C5: variants seen among roughly 807,000 people sequenced by gnomAD.
C5 encodes C3 and PZP-like alpha-2-macroglobulin domain-containing protein 4.
In C5, 140 loss-of-function variants were observed where a neutral mutation model predicts 218.8. The observed-to-expected ratio is 0.64, with a 90% CI of 0.56 to 0.74. C5 has a LOEUF of 0.74. Ranked by LOEUF, C5 falls within the 30% of genes least tolerant of loss-of-function variation. The probability of loss-of-function intolerance (pLI) is 0.00; values close to 1 mark genes in which losing one functional copy is unlikely to be tolerated. For missense variants in C5, 1,700 were observed against 1,969.6 expected (o/e 0.86, Z 2.59); for synonymous variants, 614 against 682.3 (o/e 0.90, Z 1.56).
chr9:121,008,695 C>G (rs1012093843), intron 17 of C5, among the ~76,000 whole-genome samples, 197 bp from the exon 18 acceptor site: 1 of 151,944 alleles, frequency 6.6e-6, no homozygotes, highest in Non-Finnish European at 1.5e-5. Context: ...TTTGGGAGGC[C>G]GAGGTGGGCA....
intron 17 of C5, among the ~76,000 whole-genome samples, chr9:121,010,608 A>G (rs917883512): frequency 9.2e-5 from 14 of 152,106 alleles, no homozygotes; most frequent in African/African-American, 3.4e-4. Context: ...AACACCAATA[A>G]CATTCTTTGC....
At chr9:120,963,062 G>A (rs1374782681) in intron 34 of C5, 95 bp from the exon 35 acceptor site, 1 of 953,058 alleles carries the variant, frequency 1.0e-6, no homozygotes, top group Non-Finnish European at 1.7e-6. Context: ...GCAGGGATGT[G>A]ATCTGTAATT....
chr9:121,017,592 C>T (rs1367754077), intron 13 of C5, 51 bp downstream of exon 13: 1 of 1,601,872 alleles, frequency 6.2e-7, no homozygotes, highest in African/African-American at 1.3e-5. Context: ...ACTTTGGCAG[C>T]CTCCTTCATT....
At chr9:121,072,812 TA>T in the C5 span, among the ~76,000 whole-genome samples, 45,263 of 98,684 alleles carry the variant, frequency 0.46, 7,572 homozygotes, top group African/African-American at 0.57. Flanking sequence ...TTCAAAAAAT[TA>T]AAAAAAAAAA....
chr9:121,027,203 T>C lies in C5; in HGVS notation c.830A>G (p.Asp277Gly), dbSNP rs1462885944. The C allele has an allele frequency of 1.2e-6, 2 of 1,602,762 alleles. No homozygotes were observed. Among genetic ancestry groups the C allele is most frequent in the South Asian group, 2.2e-5 (2 of 90,118 alleles). Residue 277 changes from aspartate to glycine, a missense_variant, in exon 8 of 41, where the codon GAT becomes GGT. Transcript: ENST00000223642. ...TGTTTGCATCATTTCTTTTTGATCA[T>C]CTTTTAAGTCTTCTCTTATTCCAAA... ...ITFGIREDLK[D>G]DQKEMMQTAM...
intron 40 of C5, 150 bp from the exon 41 acceptor site, chr9:120,953,018 G>T: frequency 1.4e-6 from 1 of 738,060 alleles, no homozygotes; most frequent in Non-Finnish European, 2.2e-6. Flanking sequence ...CTGCCTCTCG[G>T]GTTCACGCCA....
At chr9:121,002,316 G>GTGTGTGTATATA (rs572345213) in intron 20 of C5, among the ~76,000 whole-genome samples, 22 of 87,392 alleles carry the variant, frequency 2.5e-4, no homozygotes, top group Non-Finnish European at 4.2e-4. Flanking sequence ...ATATGTGTGT[G>GTGTGTGTATATA]TATATATATA....
At chr9:120,984,242 A>G (rs2047016505) in intron 25 of C5, among the ~76,000 whole-genome samples, 1 of 152,098 alleles carries the variant, frequency 6.6e-6, no homozygotes, top group Non-Finnish European at 1.5e-5. Flanking sequence ...TTGCCCCTCC[A>G]CAACTAGGTG....
At chr9:121,002,904 A>G (rs1408551898) in intron 20 of C5, among the ~76,000 whole-genome samples, 1 of 152,208 alleles carries the variant, frequency 6.6e-6, no homozygotes, top group Non-Finnish European at 1.5e-5. Context: ...CACAGGGCTG[A>G]AGATGGTGGC....
At chr9:121,058,431 T>C in the C5 span, among the ~76,000 whole-genome samples, 1 of 152,152 alleles carries the variant, frequency 6.6e-6, no homozygotes, top group Non-Finnish European at 1.5e-5. Flanking sequence ...TGTGTGTATA[T>C]ATATGTATAT....
chr9:120,984,424 T>C (rs980703321), intron 25 of C5, among the ~76,000 whole-genome samples: 6 of 152,190 alleles, frequency 3.9e-5, no homozygotes, highest in Non-Finnish European at 5.9e-5. Flanking sequence ...TTTTCAAAGA[T>C]TGGCCCACAT....
intron 3 of C5, among the ~76,000 whole-genome samples, chr9:121,040,813 C>T: frequency 6.6e-6 from 1 of 152,190 alleles, no homozygotes; most frequent in East Asian, 1.9e-4. Flanking sequence ...TGAACCCAGA[C>T]AATCTGACTC....
At chr9:120,997,469 T>C (rs1214713288) in intron 21 of C5, 78 bp downstream of exon 21, 2 of 1,068,882 alleles carry the variant, frequency 1.9e-6, no homozygotes, top group African/African-American at 1.6e-5. Flanking sequence ...ATTTACACTA[T>C]TGTTTCTCTC....
chr9:121,005,581 GT>G (rs1166204477), intron 20 of C5, among the ~76,000 whole-genome samples: 1 of 152,104 alleles, frequency 6.6e-6, no homozygotes, highest in Admixed American at 6.6e-5. Context: ...GGAGGAAAGG[GT>G]TGTTAGAATC....
the C5 span, among the ~76,000 whole-genome samples, chr9:121,065,816 A>G: frequency 6.6e-6 from 1 of 152,166 alleles, no homozygotes; most frequent in Non-Finnish European, 1.5e-5. Flanking sequence ...AAAAACTAGT[A>G]TAATTTTTAA....
chr9:120,999,681 A>G (rs2047144095), intron 20 of C5: 1 of 228,920 alleles, frequency 4.4e-6, no homozygotes, highest in Non-Finnish European at 8.8e-6. Flanking sequence ...GAGTCTTTAT[A>G]ATATTTTTAT....
chr9:120,974,778 C>G lies in C5; in HGVS notation c.4017+1G>C. 6.2e-7 allele frequency: 1 copy of G among 1,612,742 alleles called. No individual in the cohort carries two copies. Among genetic ancestry groups the G allele is most frequent in the Non-Finnish European group, 8.5e-7 (1 of 1,178,794 alleles). Reference sequence around the variant, plus strand: ...AATACTACAGAAAGTTCTTCATTTACCTCTACTGGCCTCCCAAGGAAATTC... The same window carrying G: ...AATACTACAGAAAGTTCTTCATTTAGCTCTACTGGCCTCCCAAGGAAATTC... On this transcript the variant is annotated splice_donor_variant, in intron 30 of 40. Transcript: ENST00000223642. LOFTEE classifies it high-confidence loss of function.
rs1183064230 is a variant in C5, at chr9:121,032,310, A to G, written c.585-115T>C. On this transcript the variant is annotated intron_variant, in intron 5 of 40. Coordinates refer to ENST00000223642, the MANE Select transcript of C5 (RefSeq NM_001735.3). Reference sequence around the variant, plus strand: ...GGAAGAATACACAAAGATATATAAAACCTAAGTAATATATTTTATTTGTGA... The same window carrying G: ...GGAAGAATACACAAAGATATATAAAGCCTAAGTAATATATTTTATTTGTGA... 1.3e-5 allele frequency: 8 copies of G among 639,052 alleles called. No homozygotes were observed. The East Asian group carries it at 2.3e-4, about 18-fold the overall frequency. 39.6% of individuals were successfully genotyped at this position (639,052 alleles called of 1,614,324 possible). A position where few individuals can be genotyped will look rare whatever the true frequency, so the allele number is the denominator to read the frequency against.
At chr9:121,000,512 G>A (rs2047152645) in intron 20 of C5, among the ~76,000 whole-genome samples, 1 of 152,072 alleles carries the variant, frequency 6.6e-6, no homozygotes, top group Non-Finnish European at 1.5e-5. Flanking sequence ...CAATATATAT[G>A]GGGGCAAGAT....
Sources: allele counts gnomAD v4.1 joint callset (sites outside exome capture counted in the v4.1 genomes callset), GRCh38; gene constraint gnomAD v4.1.1; transcripts MANE v1.5; gene names NCBI Gene and HGNC (gene_info 2026-07-23, HGNC 2026-07-21).